TNFAIP3: variants seen among roughly 807,000 people sequenced by gnomAD.
TNFAIP3 encodes tumor necrosis factor alpha-induced protein 3.
Under a neutral mutation model 72.4 loss-of-function variants are expected in TNFAIP3, and 9 were observed. The observed-to-expected ratio is 0.12, with a 90% CI of 0.07 to 0.22. The LOEUF is 0.22. TNFAIP3 is among the 10% of genes least tolerant of loss of function. TNFAIP3 has a pLI of 1.00. For synonymous variants in TNFAIP3, 339 were observed against 372.6 expected (o/e 0.91, Z 1.04); for missense variants, 833 against 1,018.7 (o/e 0.82, Z 2.48).
At chr6:137,880,018 G>C in intron 7 of TNFAIP3, 53 bp from the exon 8 acceptor site, 3 of 1,541,516 alleles carry the variant, frequency 1.9e-6, no homozygotes, top group Non-Finnish European at 2.7e-6. Flanking sequence ...CAGCATCTCT[G>C]TATCGGTGGG....
chr6:137,878,539 G>A lies in TNFAIP3; in HGVS notation c.1094G>A (p.Arg365Lys), dbSNP rs1218573061. 6.2e-7 allele frequency: 1 copy of A among 1,614,248 alleles called. No individual in the cohort carries two copies. Among genetic ancestry groups the A allele is most frequent in the African/African-American group, 1.3e-5 (1 of 75,070 alleles). ...KWQENSEQGR[R>K]EGHAQNPMEP... is the part of the protein sequence containing the mutation. ...CAGGAAAACAGCGAGCAGGGGAGGA[G>A]AGAGGGGCACGCCCAGAATCCCATG... Residue 365 changes from arginine (R) to lysine (K), a missense_variant, in exon 7 of 9, where the codon AGA becomes AAA. Arg to Lys is a conservative substitution (Grantham distance 26). Transcript: ENST00000612899.
rs957634664 is a variant in TNFAIP3, at chr6:137,876,956, C to G, written c.806-120C>G. ...TTTTCCCATTTGGGTTTAACTGTGG[C>G]TAAGAATACTTTTCTATTCTGTAAG... On this transcript the variant is annotated intron_variant, in intron 5 of 8. Transcript: ENST00000612899. The G allele has an allele frequency of 3.8e-6, 3 of 794,014 alleles. No individual in the cohort carries two copies. In the African/African-American group the frequency reaches 5.4e-5, roughly 14 times the overall value. 49.2% of individuals were successfully genotyped at this position (794,014 alleles called of 1,614,324 possible). A position where few individuals can be genotyped will look rare whatever the true frequency, so the allele number is the denominator to read the frequency against.
intron 3 of TNFAIP3, among the ~76,000 whole-genome samples, chr6:137,875,241 C>A (rs963240141): frequency 1.3e-5 from 2 of 152,236 alleles, no homozygotes. Flanking sequence ...AGATTCCCAG[C>A]TGTGGATCCG....
chr6:137,874,231 G>T (rs529898351), intron 2 of TNFAIP3, among the ~76,000 whole-genome samples: 5 of 152,322 alleles, frequency 3.3e-5, no homozygotes, highest in African/African-American at 1.2e-4. Flanking sequence ...TTGAGAGCCG[G>T]ACTAGCAGGC....
At position 137,878,990 on chromosome 6, in the gene TNFAIP3, C is replaced by A. The variant is rs960145182; in HGVS notation, c.1545C>A (p.His515Gln). The A allele has an allele frequency of 1.1e-5, 18 of 1,614,130 alleles. No homozygotes were observed. The highest frequency in any genetic ancestry group is 1.6e-4 in the Middle Eastern group (1 of 6,084). ...GCCACGCCCCAGACCACACAAGGCA[C>A]TTGGATCCCGGGAAGTGCCAAGCCT... is the stretch of plus-strand genomic sequence containing the variant. ...HASHAPDHTR[H>Q]LDPGKCQACL... The change falls in exon 7 of 9, where the codon CAC becomes CAA. Residue 515 changes from histidine to glutamine, a missense_variant. Transcript: ENST00000612899.
In TNFAIP3 at chr6:137,876,005, T is replaced by C; in HGVS notation, c.644T>C (p.Leu215Pro). The C allele has an allele frequency of 6.2e-7, 1 of 1,613,158 alleles. No individual in the cohort carries two copies. The highest frequency in any genetic ancestry group is 8.5e-7 in the Non-Finnish European group (1 of 1,179,646). ...RPIIVISDKM[L>P]RSLESGSNFA... The stretch of plus-strand genomic sequence containing the variant: ...CTCTTTCTTTGAACAGACAAAATGC[T>C]AAGAAGTTTGGAATCAGGTTCCAAT... Residue 215 changes from leucine to proline, a missense_variant, in exon 5 of 9, where the codon CTA becomes CCA. Around this residue, in one of 2 missense-constraint regions of TNFAIP3, gnomAD observed 246 missense variants for 360.9 expected, o/e 0.68. Transcript: ENST00000612899.
Position 137,870,303 on chromosome 6 carries a change from G to A in TNFAIP3, c.-15-910G>A, listed in dbSNP as rs141377865. On this transcript the variant is annotated intron_variant, in intron 1 of 8. Coordinates refer to ENST00000612899, the MANE Select transcript of TNFAIP3 (RefSeq NM_001270508.2). ...TTGCGGTTTTTCATTTTTTGTTTTCGTAGAGACCTAGGTCTCACCGTGTTG... is the reference window on the plus strand; with the variant it reads ...TTGCGGTTTTTCATTTTTTGTTTTCATAGAGACCTAGGTCTCACCGTGTTG... 4.1e-4 allele frequency among the ~76,000 whole-genome samples: 63 copies of A among 151,962 alleles called. 1 individual carries two copies. The East Asian group carries it at 0.01, about 25-fold the overall frequency.
At position 137,882,852 on chromosome 6, in the gene TNFAIP3, T is replaced by C. The variant is rs1776507190; in HGVS notation, c.*1533T>C. 1 of 228,314 alleles carries C rather than the reference T, an allele frequency of 4.4e-6. No individual in the cohort carries two copies. Among genetic ancestry groups the C allele is most frequent in the Non-Finnish European group, 8.7e-6 (1 of 115,144 alleles). 14.1% of individuals were successfully genotyped at this position (228,314 alleles called of 1,614,324 possible). On this transcript the variant is annotated 3_prime_UTR_variant, in exon 9 of 9. Coordinates refer to ENST00000612899, the MANE Select transcript of TNFAIP3 (RefSeq NM_001270508.2). ...TCTGTGTGCTTTGTGGTTGCTGTCATATTTGCTCTAGAAGAAAAAAAAAAA... is the reference window on the plus strand; with the variant it reads ...TCTGTGTGCTTTGTGGTTGCTGTCACATTTGCTCTAGAAGAAAAAAAAAAA...
rs144788826 is a variant in TNFAIP3 at position 137,875,034 on chromosome 6, G to A, written c.485G>A (p.Arg162Gln). 1.1e-5 allele frequency: 17 copies of A among 1,613,900 alleles called. No individual in the cohort carries two copies. The South Asian group carries it at 1.1e-4, about 10-fold the overall frequency. The change falls in exon 3 of 9, where the codon CGG becomes CAG. Residue 162 changes from arginine to glutamine, a missense_variant and splice_region_variant. Physicochemically the swap from Arg to Gln is conservative, Grantham distance 43 (BLOSUM62 1). Coordinates refer to ENST00000612899, the MANE Select transcript of TNFAIP3 (RefSeq NM_001270508.2). ...GAAACGGGGCTTTGCTATGATACTC[G>A]GGTAGGTTTTTCCCCCTAATTATCT... ...FVETGLCYDTRNWNDEWDNLI... is the reference protein window; with the variant it reads ...FVETGLCYDTQNWNDEWDNLI...
chr6:137,877,279 T>G, intron 6 of TNFAIP3, 23 bp downstream of exon 6: 1 of 1,579,690 alleles, frequency 6.3e-7, no homozygotes, highest in Non-Finnish European at 8.6e-7. Flanking sequence ...TGTTCAGCTC[T>G]CTCCTGTGTC....
intron 1 of TNFAIP3, among the ~76,000 whole-genome samples, chr6:137,868,766 C>A (rs1195348287): frequency 6.6e-6 from 1 of 151,478 alleles, no homozygotes; most frequent in African/African-American, 2.4e-5. Context: ...AACATTTGTT[C>A]TTTAATCTTA....
Position 137,881,388 on chromosome 6 carries a change from T to C in TNFAIP3, c.*69T>C, listed in dbSNP as rs1776458061. On this transcript the variant is annotated 3_prime_UTR_variant, in exon 9 of 9. Coordinates refer to ENST00000612899, the MANE Select transcript of TNFAIP3 (RefSeq NM_001270508.2). This position sits in a 1 kb window ranked among gnomAD's most constrained non-coding sequence, Gnocchi z 5.0. ...GCTGTCAGTCATCATGGTGCTATCC[T>C]CTGAACCCCTCAGCTGCCACTGCAA... is the stretch of plus-strand genomic sequence containing the variant. 7.2e-7 allele frequency: 1 copy of C among 1,382,238 alleles called. No individual in the cohort carries two copies. Among genetic ancestry groups the C allele is most frequent in the Admixed American group, 2.3e-5 (1 of 43,512 alleles). 85.6% of individuals were successfully genotyped at this position (1,382,238 alleles called of 1,614,324 possible).
At chr6:137,876,798 G>C (rs974220317) in intron 5 of TNFAIP3, among the ~76,000 whole-genome samples, 1 of 152,182 alleles carries the variant, frequency 6.6e-6, no homozygotes, top group Non-Finnish European at 1.5e-5. Flanking sequence ...ACAAAGCCAG[G>C]ATTCAAACTC....
chr6:137,879,411 T>C, intron 7 of TNFAIP3, 60 bp downstream of exon 7: 1 of 1,531,662 alleles, frequency 6.5e-7, no homozygotes, highest in South Asian at 1.3e-5. Flanking sequence ...GTTTTGTTCC[T>C]GACCTTTAAG....
chr6:137,875,118 A>T, intron 3 of TNFAIP3, 83 bp downstream of exon 3: 1 of 1,487,178 alleles, frequency 6.7e-7, no homozygotes, highest in Non-Finnish European at 9.3e-7. Context: ...GCCCTCTGGT[A>T]GCATCTGATG....
intron 5 of TNFAIP3, among the ~76,000 whole-genome samples, chr6:137,876,520 A>G (rs900204166): frequency 6.6e-6 from 1 of 151,926 alleles, no homozygotes; most frequent in African/African-American, 2.4e-5. Flanking sequence ...ATCATGGCTC[A>G]TTGCAGCCTC....
rs2114516024 is a variant in TNFAIP3, at chr6:137,881,104, T to G, written c.2158T>G (p.Ser720Ala). ...STSRPKCARASCKNILACRSE... is the reference protein window; with the variant it reads ...STSRPKCARAACKNILACRSE... ...CTCAAGGCCCAAGTGCGCCCGGGCC[T>G]CCTGCAAGAACATCCTGGCCTGCCG... Residue 720 changes from serine to alanine, a missense_variant, in exon 9 of 9, where the codon TCC becomes GCC. Physicochemically the swap from Ser to Ala is moderately conservative, Grantham distance 99. Transcript: ENST00000612899. The surrounding 1 kb of genome is among the most constrained non-coding windows in gnomAD (Gnocchi z 5.0). 6.2e-7 allele frequency: 1 copy of G among 1,613,878 alleles called. No individual in the cohort carries two copies. Among genetic ancestry groups the G allele is most frequent in the Non-Finnish European group, 8.5e-7 (1 of 1,179,990 alleles).
Position 137,871,088 on chromosome 6 carries a change from A to G in TNFAIP3, c.-15-125A>G, listed in dbSNP as rs1776042100. ...GTATCCCGGGAGTAGAGGTGCTAAG[A>G]TCTTTTGCCTACAGATCAGGGTAAT... On this transcript the variant is annotated intron_variant, in intron 1 of 8. Transcript: ENST00000612899. This position sits in a 1 kb window ranked among gnomAD's most constrained non-coding sequence, Gnocchi z 4.2. 3 of 825,202 alleles carry G rather than the reference A, an allele frequency of 3.6e-6. No homozygotes were observed. The highest frequency in any genetic ancestry group is 5.6e-6 in the Non-Finnish European group (3 of 539,064). The allele number at this position is 825,202 out of a possible 1,614,324, so 51.1% of individuals were successfully genotyped here.
chr6:137,868,188 C>G (rs1464550837), intron 1 of TNFAIP3: 2 of 152,518 alleles, frequency 1.3e-5, no homozygotes, highest in African/African-American at 2.4e-5. Context: ...TCTTTGTCAG[C>G]TGGAGTCGTC....
Sources: gnomAD v4.1 joint callset for allele counts (sites outside exome capture counted in the v4.1 genomes callset) on GRCh38, gnomAD v4.1.1 for gene constraint, gnomAD v4.1.1 regional missense constraint, Gnocchi (gnomAD v3.1) non-coding constraint, MANE v1.5 for transcripts, NCBI Gene and HGNC (gene_info 2026-07-23, HGNC 2026-07-21) for gene names.